The following EFR3A variants were observed in gnomAD, a reference collection of about 807,000 sequenced individuals.
EFR3A encodes the protein EFR3 homolog A, also known as protein EFR3 homolog A.
In EFR3A, 76 loss-of-function variants were observed where a neutral mutation model predicts 104.4. That is an observed-to-expected ratio of 0.73 (90% CI 0.60 to 0.88). EFR3A has a LOEUF of 0.88. EFR3A is among the 40% of genes least tolerant of loss of function. The pLI is 0.00. For missense variants in EFR3A, 985 were observed against 1,012.5 expected (o/e 0.97, Z 0.37); for synonymous variants, 330 against 330.0 (o/e 1.00, Z 0.00).
intron 22 of EFR3A, among the ~76,000 whole-genome samples, chr8:132,005,199 G>C (rs546072218): frequency 1.3e-5 from 2 of 152,250 alleles, no homozygotes; most frequent in African/African-American, 4.8e-5. Context: ...TATTTAGGAA[G>C]CAGTAGCTCT....
chr8:131,997,055 C>A (rs1163718366), intron 19 of EFR3A, among the ~76,000 whole-genome samples: 1 of 151,972 alleles, frequency 6.6e-6, no homozygotes, highest in African/African-American at 2.4e-5. Flanking sequence ...TTTAAAACAT[C>A]ATAGATTTCA....
At chr8:131,970,112 G>A (rs904143450) in intron 9 of EFR3A, among the ~76,000 whole-genome samples, 2 of 152,134 alleles carry the variant, frequency 1.3e-5, no homozygotes, top group Non-Finnish European at 2.9e-5. Context: ...TAATTTTGTG[G>A]ATTCTTACCT....
intron 12 of EFR3A, 68 bp downstream of exon 12, chr8:131,977,160 T>C: frequency 9.0e-7 from 1 of 1,114,956 alleles, no homozygotes; most frequent in Non-Finnish European, 1.3e-6. Flanking sequence ...ATTGAATAGC[T>C]TCATGTTACA....
chr8:131,916,356 G>A (rs905165029), intron 1 of EFR3A, among the ~76,000 whole-genome samples: 3 of 152,292 alleles, frequency 2.0e-5, no homozygotes, highest in Admixed American at 6.5e-5. Flanking sequence ...TTGGATCAAA[G>A]GATTGAGGGA....
chr8:132,012,728 G>C lies in EFR3A; in HGVS notation c.*1833G>C, dbSNP rs983056068. ...GTCATTTTATAGATTAACACTGTGT[G>C]CTTTTGTATGGAAAAAATATATATA... On this transcript the variant is annotated 3_prime_UTR_variant, in exon 23 of 23. Transcript: ENST00000254624. 8.5e-5 allele frequency: 13 copies of C among 152,298 alleles called. No homozygotes were observed. Among genetic ancestry groups the C allele is most frequent in the African/African-American group, 2.9e-4 (12 of 41,368 alleles). 9.4% of individuals were successfully genotyped at this position (152,298 alleles called of 1,614,324 possible). A position where few individuals can be genotyped will look rare whatever the true frequency, so the allele number is the denominator to read the frequency against.
At chr8:131,925,332 A>C (rs1817244820) in intron 1 of EFR3A, among the ~76,000 whole-genome samples, 1 of 152,168 alleles carries the variant, frequency 6.6e-6, no homozygotes, top group Admixed American at 6.5e-5. Flanking sequence ...AATACACCAC[A>C]ATCTGTGCAG....
At chr8:131,963,556 C>G (rs1819522769) in intron 8 of EFR3A, among the ~76,000 whole-genome samples, 1 of 152,070 alleles carries the variant, frequency 6.6e-6, no homozygotes, top group Admixed American at 6.6e-5. Flanking sequence ...CAATAACAGG[C>G]TCTGAAATCG....
chr8:131,932,005 C>T (rs960373556), intron 1 of EFR3A, among the ~76,000 whole-genome samples: 2 of 152,052 alleles, frequency 1.3e-5, no homozygotes, highest in South Asian at 2.1e-4. Context: ...CACCCCCCAG[C>T]CACTCTCAAA....
chr8:131,966,026 A>G (rs1417646698), intron 8 of EFR3A, among the ~76,000 whole-genome samples: 1 of 152,110 alleles, frequency 6.6e-6, no homozygotes, highest in Non-Finnish European at 1.5e-5. Context: ...ACACATGGAC[A>G]CAGGAAGGGG....
chr8:131,948,380 A>G lies in EFR3A; in HGVS notation c.367-1589A>G, dbSNP rs149158846. ...TGTTGTGTGACATGAGTTGATATAT[A>G]TGATGCTCTTGGAAGAGTGCATGGC... On this transcript the variant is annotated intron_variant, in intron 4 of 22. Transcript: ENST00000254624. 1.2e-4 allele frequency among the ~76,000 whole-genome samples: 19 copies of G among 152,290 alleles called. No individual in the cohort carries two copies. The East Asian group carries it at 3.1e-3, about 25-fold the overall frequency.
chr8:131,947,520 T>G (rs1414031286), intron 4 of EFR3A, among the ~76,000 whole-genome samples: 1 of 151,752 alleles, frequency 6.6e-6, no homozygotes, highest in Non-Finnish European at 1.5e-5. Context: ...TTTGATGAAG[T>G]CCAGTTCCTT....
chr8:131,905,859 T>C (rs878910395), intron 1 of EFR3A, among the ~76,000 whole-genome samples: 2 of 152,236 alleles, frequency 1.3e-5, no homozygotes, highest in Admixed American at 1.3e-4. Context: ...AGAATTATCC[T>C]GTGAAATAAA....
At chr8:131,920,076 G>A (rs1426649607) in intron 1 of EFR3A, among the ~76,000 whole-genome samples, 3 of 152,074 alleles carry the variant, frequency 2.0e-5, no homozygotes, top group Non-Finnish European at 4.4e-5. Context: ...GATTTTGCTT[G>A]GGGATGGATT....
At chr8:131,979,484 G>T in intron 14 of EFR3A, 63 bp downstream of exon 14, 2 of 1,175,348 alleles carry the variant, frequency 1.7e-6, no homozygotes, top group South Asian at 1.4e-5. Flanking sequence ...ATTGTTAGGT[G>T]GTTTTATATT....
At position 131,976,054 on chromosome 8, in the gene EFR3A, A is replaced by G. The variant is rs375902514; in HGVS notation, c.1187A>G (p.Tyr396Cys). The G allele has an allele frequency of 1.4e-5, 22 of 1,605,606 alleles. No individual in the cohort carries two copies. Among genetic ancestry groups the G allele is most frequent in the Non-Finnish European group, 3.4e-6 (4 of 1,175,488 alleles). The change falls in exon 11 of 23, where the codon TAT becomes TGT. Residue 396 changes from tyrosine to cysteine, a missense_variant. Physicochemically the swap from Tyr to Cys is radical, Grantham distance 194. Transcript: ENST00000254624. ...TTTTTTGGAAGTAACCTACCAGATT[A>G]TCAGAGGTCAGAAATCATGATGTTC... The part of the protein sequence containing the change: ...IGFFGSNLPD[Y>C]QRSEIMMFIM...
Position 131,946,502 on chromosome 8 carries a change from G to A in EFR3A, c.235G>A (p.Glu79Lys). Residue 79 changes from glutamate (E) to lysine (K), a missense_variant, in exon 4 of 23, where the codon GAG becomes AAG. Glu to Lys is a moderately conservative substitution (Grantham distance 56). Transcript: ENST00000254624. ...HRSGYVLIAM[E>K]ALDQLLMACH... is the part of the protein sequence containing the mutation. ...ATGTAGGTATGTTTTGATTGCTATGGAGGCACTGGACCAACTTCTCATGGC... is the reference window on the plus strand; with the variant it reads ...ATGTAGGTATGTTTTGATTGCTATGAAGGCACTGGACCAACTTCTCATGGC... 2 of 1,600,570 alleles carry A rather than the reference G, an allele frequency of 1.2e-6. No homozygotes were observed. Among genetic ancestry groups the A allele is most frequent in the Non-Finnish European group, 1.7e-6 (2 of 1,173,810 alleles).
intron 1 of EFR3A, among the ~76,000 whole-genome samples, chr8:131,936,436 C>A (rs1172453560): frequency 3.3e-5 from 5 of 152,102 alleles, no homozygotes; most frequent in Non-Finnish European, 7.3e-5. Context: ...GGTAGTGTCA[C>A]AACCCACAGG....
At chr8:131,961,518 A>G (rs1015200389) in intron 8 of EFR3A, among the ~76,000 whole-genome samples, 4 of 152,206 alleles carry the variant, frequency 2.6e-5, no homozygotes, top group African/African-American at 9.7e-5. Flanking sequence ...AGAAAAAAGA[A>G]TAAAAAGAAA....
At chr8:131,935,226 T>TAATA (rs984992080) in intron 1 of EFR3A, among the ~76,000 whole-genome samples, 7 of 152,204 alleles carry the variant, frequency 4.6e-5, no homozygotes, top group Non-Finnish European at 1.5e-5. Context: ...TGTACTTTAT[T>TAATA]GATTTTTATA....
Sources: gnomAD v4.1 joint callset for allele counts (sites outside exome capture counted in the v4.1 genomes callset) on GRCh38, gnomAD v4.1.1 for gene constraint, MANE v1.5 for transcripts, NCBI Gene and HGNC (gene_info 2026-07-23, HGNC 2026-07-21) for gene names.